ASCC3: variants seen among roughly 807,000 people sequenced by gnomAD.
ASCC3 encodes the protein activating signal cointegrator 1 complex subunit 3.
In ASCC3, 158 loss-of-function variants were observed where a neutral mutation model predicts 256.3. That is an observed-to-expected ratio of 0.62 (90% CI 0.54 to 0.70). The LOEUF is 0.70. Ranked by LOEUF, ASCC3 falls within the 30% of genes least tolerant of loss-of-function variation. ASCC3 has a pLI of 0.00. For synonymous variants in ASCC3, 948 were observed against 883.4 expected (o/e 1.07, Z -1.30); for missense variants, 2,259 against 2,626.0 (o/e 0.86, Z 3.05).
chr6:100,583,136 G>T (rs888090427), intron 36 of ASCC3, among the ~76,000 whole-genome samples: 14 of 152,102 alleles, frequency 9.2e-5, no homozygotes, highest in African/African-American at 2.9e-4. Context: ...TTTTTCTATT[G>T]ATTGGAATAG....
chr6:100,622,156 T>C (rs1005425398), intron 30 of ASCC3, among the ~76,000 whole-genome samples: 3 of 152,066 alleles, frequency 2.0e-5, no homozygotes, highest in African/African-American at 7.2e-5. Context: ...GATGGATTGA[T>C]CTGTGCAGCA....
intron 3 of ASCC3, chr6:100,857,745 A>C (rs1044419671): frequency 6.6e-6 from 1 of 151,952 alleles, no homozygotes; most frequent in South Asian, 2.1e-4. Flanking sequence ...ACTTATCTTT[A>C]TAATAAGTTT....
intron 4 of ASCC3, among the ~76,000 whole-genome samples, chr6:100,826,220 C>T (rs1222759337): frequency 6.6e-6 from 1 of 152,020 alleles, no homozygotes; most frequent in Admixed American, 6.6e-5. Flanking sequence ...CAACCTCTGC[C>T]TCCCGGATTC....
Position 100,673,050 on chromosome 6 carries a change from T to C in ASCC3, c.2286+6568A>G, listed in dbSNP as rs553194844. 1.8e-4 allele frequency among the ~76,000 whole-genome samples: 27 copies of C among 152,202 alleles called. No homozygotes were observed. In the South Asian group the frequency reaches 5.2e-3, roughly 29 times the overall value. On this transcript the variant is annotated intron_variant, in intron 14 of 41. Transcript: ENST00000369162. ...CCATATGTTATTCTGATTGTGTTAA[T>C]TATGCACTTTAACTTGGGAGAAAGA...
intron 36 of ASCC3, among the ~76,000 whole-genome samples, chr6:100,546,860 T>A (rs1775745475): frequency 6.6e-6 from 1 of 152,084 alleles, no homozygotes; most frequent in African/African-American, 2.4e-5. Flanking sequence ...TCATTCACAA[T>A]CATATACTTA....
intron 10 of ASCC3, among the ~76,000 whole-genome samples, chr6:100,737,878 C>G (rs773647411): frequency 1.3e-5 from 2 of 152,138 alleles, no homozygotes; most frequent in Non-Finnish European, 2.9e-5. Context: ...AACAATCTCA[C>G]CAGCATCTGT....
intron 10 of ASCC3, among the ~76,000 whole-genome samples, chr6:100,749,627 T>C (rs982599796): frequency 9.9e-5 from 15 of 151,990 alleles, no homozygotes; most frequent in South Asian, 2.1e-4. Flanking sequence ...TTAAAATATA[T>C]GATCTAAAAT....
At chr6:100,809,343 T>A (rs1375445565) in intron 4 of ASCC3, among the ~76,000 whole-genome samples, 1 of 152,020 alleles carries the variant, frequency 6.6e-6, no homozygotes, top group Non-Finnish European at 1.5e-5. Context: ...CCTTATTCTA[T>A]AAGCTTTTTT....
intron 8 of ASCC3, among the ~76,000 whole-genome samples, chr6:100,783,120 C>T (rs1782524063): frequency 6.6e-6 from 1 of 151,954 alleles, no homozygotes; most frequent in Admixed American, 6.6e-5. Flanking sequence ...ATAAATATTT[C>T]ATATTAAGTT....
intron 11 of ASCC3, among the ~76,000 whole-genome samples, chr6:100,722,016 G>A (rs1267255402): frequency 6.6e-6 from 1 of 151,768 alleles, no homozygotes. Flanking sequence ...TGTATATAGT[G>A]AAAGGTAAAG....
At chr6:100,556,012 A>G (rs1769555032) in intron 36 of ASCC3, among the ~76,000 whole-genome samples, 1 of 152,166 alleles carries the variant, frequency 6.6e-6, no homozygotes, top group Non-Finnish European at 1.5e-5. Context: ...AAACAAATGA[A>G]AAAGCCAAAT....
intron 1 of ASCC3, among the ~76,000 whole-genome samples, chr6:100,875,883 C>A (rs1583001657): frequency 6.6e-6 from 1 of 151,982 alleles, no homozygotes; most frequent in African/African-American, 2.4e-5. Flanking sequence ...AAACAAAAAA[C>A]CCTACAAATG....
rs779056926 is a variant in ASCC3 at position 100,777,314 on chromosome 6, T to C, written c.1396-9969A>G. Among the ~76,000 whole-genome samples, 99 of 152,240 alleles carry C rather than the reference T, an allele frequency of 6.5e-4. 2 individuals are homozygous for C. Among genetic ancestry groups the C allele is most frequent in the Middle Eastern group, 3.4e-3 (1 of 294 alleles). On this transcript the variant is annotated intron_variant, in intron 8 of 41. Coordinates refer to ENST00000369162, the MANE Select transcript of ASCC3 (RefSeq NM_006828.4). ...TTTGGGCTTTCCTAACAGGATACGT[T>C]TTAAAAAAACTCTGATCTTTCATTT... is the stretch of plus-strand genomic sequence containing the variant.
intron 29 of ASCC3, 93 bp downstream of exon 29, chr6:100,627,497 T>A (rs972098037): frequency 2.0e-6 from 3 of 1,513,892 alleles, no homozygotes; most frequent in South Asian, 2.3e-5. Flanking sequence ...TGGACCAGTA[T>A]CATCCTTTCA....
At chr6:100,785,463 T>C (rs2114277531) in intron 8 of ASCC3, among the ~76,000 whole-genome samples, 1 of 152,262 alleles carries the variant, frequency 6.6e-6, no homozygotes, top group South Asian at 2.1e-4. Context: ...TGCAGTAGCA[T>C]GATCATCGGC....
chr6:100,541,562 C>T (rs1444843055), intron 36 of ASCC3, among the ~76,000 whole-genome samples: 1 of 152,074 alleles, frequency 6.6e-6, no homozygotes, highest in Non-Finnish European at 1.5e-5. Context: ...TACTCTAGAC[C>T]TGCCCAGCAA....
chr6:100,540,662 G>T lies in ASCC3; in HGVS notation c.5551-275C>A, dbSNP rs112070652. On this transcript the variant is annotated intron_variant, in intron 36 of 41. Transcript: ENST00000369162. ...GGCATCACACACTATACATGACACT[G>T]GGGCCACAGCAGTGAACCAGAAACT... Among the ~76,000 whole-genome samples, 117 of 152,164 alleles carry T rather than the reference G, an allele frequency of 7.7e-4. 1 individual carries two copies. Among genetic ancestry groups the T allele is most frequent in the African/African-American group, 2.2e-3 (91 of 41,532 alleles).
intron 3 of ASCC3, chr6:100,858,216 A>G (rs1185208979): frequency 1.7e-5 from 8 of 470,786 alleles, no homozygotes; most frequent in Non-Finnish European, 2.2e-5. Flanking sequence ...GTAAGTAGAA[A>G]TAAAATTGAT....
chr6:100,717,586 T>TATA (rs1779140542), intron 12 of ASCC3, among the ~76,000 whole-genome samples: 1 of 151,940 alleles, frequency 6.6e-6, no homozygotes, highest in Admixed American at 6.6e-5. Context: ...CATTTATATA[T>TATA]ATAATAATAA....
Sources: allele counts gnomAD v4.1 joint callset (sites outside exome capture counted in the v4.1 genomes callset), GRCh38; gene constraint gnomAD v4.1.1; transcripts MANE v1.5; gene names NCBI Gene and HGNC (gene_info 2026-07-23, HGNC 2026-07-21).